SNX29: variants seen among roughly 807,000 people sequenced by gnomAD.
SNX29 encodes sorting nexin-29.
In SNX29, 78 loss-of-function variants were observed where a neutral mutation model predicts 102.1. The ratio of observed to expected loss-of-function variants is 0.76; its 90% CI spans 0.64 to 0.92. SNX29 has a LOEUF of 0.92. SNX29 is among the 40% of genes least tolerant of loss of function. The pLI is 0.00. For missense variants in SNX29, 1,280 were observed against 1,061.7 expected, an observed-to-expected ratio of 1.21 and a Z score of -2.86; for synonymous variants, 580 against 414.5, an observed-to-expected ratio of 1.40 and a Z score of -4.85.
chr16:12,130,349 C>T (rs2054407403), intron 13 of SNX29, among the ~76,000 whole-genome samples: 1 of 151,474 alleles, frequency 6.6e-6, no homozygotes, highest in South Asian at 2.1e-4. Flanking sequence ...GTGACGGACG[C>T]CTGTAGTCCC....
intron 15 of SNX29, among the ~76,000 whole-genome samples, chr16:12,320,395 T>A (rs1238909122): frequency 6.6e-6 from 1 of 151,936 alleles, no homozygotes; most frequent in East Asian, 2.0e-4. Context: ...GCATGGGGGC[T>A]GGTGCGTAGC....
intron 20 of SNX29, among the ~76,000 whole-genome samples, chr16:12,561,972 G>A (rs1475025179): frequency 1.3e-5 from 2 of 152,178 alleles, no homozygotes; most frequent in Non-Finnish European, 2.9e-5. Context: ...TGTCCCCAGA[G>A]TGTCTACCAG....
chr16:12,547,088 G>C (rs905084373), intron 20 of SNX29, among the ~76,000 whole-genome samples: 1 of 152,212 alleles, frequency 6.6e-6, no homozygotes, highest in Admixed American at 6.5e-5. Flanking sequence ...GCCTATGTGA[G>C]GTGGCGATTT....
chr16:12,002,280 T>G (rs1255203391), intron 2 of SNX29, among the ~76,000 whole-genome samples: 3 of 151,656 alleles, frequency 2.0e-5, no homozygotes, highest in African/African-American at 7.3e-5. Flanking sequence ...AAACCCCATC[T>G]CTACTAAGAA....
chr16:12,369,117 G>A (rs2082590501), intron 16 of SNX29, among the ~76,000 whole-genome samples: 1 of 151,826 alleles, frequency 6.6e-6, no homozygotes, highest in African/African-American at 2.4e-5. Flanking sequence ...TGCCTGGTAT[G>A]CATGTTATTA....
At chr16:12,307,097 C>A (rs2080361822) in intron 15 of SNX29, among the ~76,000 whole-genome samples, 1 of 151,792 alleles carries the variant, frequency 6.6e-6, no homozygotes, top group African/African-American at 2.4e-5. Flanking sequence ...TCTTCTTAAA[C>A]AGTTTGTGAA....
At chr16:12,486,685 A>G (rs188485603) in intron 19 of SNX29, among the ~76,000 whole-genome samples, 32 of 152,322 alleles carry the variant, frequency 2.1e-4, no homozygotes, top group East Asian at 7.7e-4. Flanking sequence ...CATTTGATGG[A>G]CATTCACATT....
intron 8 of SNX29, among the ~76,000 whole-genome samples, chr16:12,059,956 C>G (rs929971015): frequency 6.6e-6 from 1 of 152,318 alleles, no homozygotes; most frequent in Middle Eastern, 3.4e-3. Context: ...TGCCTCCCTT[C>G]CCTTTGTCTG....
intron 20 of SNX29, among the ~76,000 whole-genome samples, chr16:12,560,497 G>C (rs925305346): frequency 6.6e-6 from 1 of 152,180 alleles, no homozygotes; most frequent in Middle Eastern, 3.4e-3. Context: ...GCTTTTCTGG[G>C]CACGCCTGTC....
intron 11 of SNX29, among the ~76,000 whole-genome samples, chr16:12,091,523 A>C (rs1470450975): frequency 6.6e-6 from 1 of 150,498 alleles, no homozygotes; most frequent in East Asian, 2.0e-4. Flanking sequence ...ATCATGGCTT[A>C]TGCCTGCAAT....
At chr16:12,058,953 T>C (rs552382208) in intron 8 of SNX29, among the ~76,000 whole-genome samples, 1 of 151,876 alleles carries the variant, frequency 6.6e-6, no homozygotes, top group East Asian at 1.9e-4. Context: ...ATACCATACC[T>C]GGCTAATTTT....
At chr16:11,986,746 A>G (rs999061862) in intron 1 of SNX29, among the ~76,000 whole-genome samples, 5 of 152,214 alleles carry the variant, frequency 3.3e-5, no homozygotes, top group Non-Finnish European at 4.4e-5. Flanking sequence ...GAAGGGCCAG[A>G]TAGTAAATAT....
chr16:12,570,284 G>A lies in SNX29; in HGVS notation c.*1655G>A, dbSNP rs528162747. 3 of 1,061,494 alleles carry A rather than the reference G, an allele frequency of 2.8e-6. No homozygotes were observed. Among genetic ancestry groups the A allele is most frequent in the Admixed American group, 5.4e-5 (1 of 18,690 alleles). 65.8% of individuals were successfully genotyped at this position (1,061,494 alleles called of 1,614,324 possible). On this transcript the variant is annotated 3_prime_UTR_variant, in exon 21 of 21. Transcript: ENST00000566228. ...TATGGAGGTGCGGACCCTGCAGTCA[G>A]TTTGCGAGTGTGGAGGACCCGAGAC...
intron 14 of SNX29, among the ~76,000 whole-genome samples, chr16:12,222,452 A>G (rs866383044): frequency 6.6e-5 from 10 of 152,216 alleles, no homozygotes; most frequent in South Asian, 2.1e-4. Flanking sequence ...ACCAGCTTGT[A>G]TGTTTACATC....
intron 15 of SNX29, among the ~76,000 whole-genome samples, chr16:12,295,184 A>G (rs1276328951): frequency 6.6e-6 from 1 of 152,192 alleles, no homozygotes; most frequent in Non-Finnish European, 1.5e-5. Flanking sequence ...GGGCCGGGGC[A>G]CACCTAAACC....
intron 20 of SNX29, among the ~76,000 whole-genome samples, chr16:12,529,910 C>T (rs2076886548): frequency 6.6e-6 from 1 of 152,124 alleles, no homozygotes; most frequent in Non-Finnish European, 1.5e-5. Flanking sequence ...CAGAACCTTC[C>T]AGACTCCAAA....
At chr16:12,181,883 C>CTT (rs397854786) in intron 13 of SNX29, among the ~76,000 whole-genome samples, 30 of 141,302 alleles carry the variant, frequency 2.1e-4, no homozygotes, top group African/African-American at 2.6e-4. Context: ...GGGCTTCTGC[C>CTT]TTTTTTTTTT....
chr16:12,351,325 G>C (rs2081986800), intron 15 of SNX29, among the ~76,000 whole-genome samples: 1 of 152,200 alleles, frequency 6.6e-6, no homozygotes, highest in South Asian at 2.1e-4. Context: ...CACAACCAGA[G>C]TAAACTGGGC....
At chr16:12,562,150 G>C (rs2078761454) in intron 20 of SNX29, among the ~76,000 whole-genome samples, 1 of 152,138 alleles carries the variant, frequency 6.6e-6, no homozygotes. Context: ...GGCAATACCA[G>C]GTCTGTGGAG....
Sources: gnomAD v4.1 joint callset for allele counts (sites outside exome capture counted in the v4.1 genomes callset) on GRCh38, gnomAD v4.1.1 for gene constraint, MANE v1.5 for transcripts, NCBI Gene and HGNC (gene_info 2026-07-23, HGNC 2026-07-21) for gene names.